The following FOXN3 variants were observed in gnomAD, a reference collection of about 807,000 sequenced individuals.
FOXN3 encodes forkhead box N3, also known as forkhead box protein N3.
A neutral mutation model predicts 38.4 loss-of-function variants in FOXN3; 7 were observed. The ratio of observed to expected loss-of-function variants is 0.18; its 90% CI spans 0.10 to 0.34. The LOEUF is 0.34. Ranked by LOEUF, FOXN3 falls within the 10% of genes least tolerant of loss-of-function variation. FOXN3 has a pLI of 1.00. For synonymous variants in FOXN3, 230 were observed against 242.2 expected, an observed-to-expected ratio of 0.95 and a Z score of 0.47; for missense variants, 456 against 613.4, an observed-to-expected ratio of 0.74 and a Z score of 2.71.
chr14:89,614,048 G>C (rs922131049), intron 1 of FOXN3, among the ~76,000 whole-genome samples: 1 of 152,192 alleles, frequency 6.6e-6, no homozygotes, highest in African/African-American at 2.4e-5. Flanking sequence ...TGCCATTTCA[G>C]AACAATCTCA....
At chr14:89,578,445 C>G (rs1001517793) in intron 1 of FOXN3, among the ~76,000 whole-genome samples, 1 of 152,116 alleles carries the variant, frequency 6.6e-6, no homozygotes, top group African/African-American at 2.4e-5. Context: ...ATGCTAATAA[C>G]TCAAATTCCA....
intron 4 of FOXN3, among the ~76,000 whole-genome samples, chr14:89,268,091 C>T (rs1191863950): frequency 6.6e-6 from 1 of 152,174 alleles, no homozygotes; most frequent in Non-Finnish European, 1.5e-5. Flanking sequence ...TACAGCTACA[C>T]ATTAATTTAC....
intron 2 of FOXN3, chr14:89,351,040 C>A (rs1032641376): frequency 5.3e-5 from 17 of 323,158 alleles, no homozygotes; most frequent in Admixed American, 2.9e-4. Flanking sequence ...TATGGTGATA[C>A]AACAATATTA....
chr14:89,288,517 T>G (rs759805881), intron 3 of FOXN3, among the ~76,000 whole-genome samples: 2 of 133,806 alleles, frequency 1.5e-5, no homozygotes, highest in Non-Finnish European at 3.2e-5. Context: ...AGTTTACAGT[T>G]GAAAAATGAT....
At position 89,202,615 on chromosome 14, in the gene FOXN3, C is replaced by G. The variant is rs889638708; in HGVS notation, c.746-21809G>C. ...CGGGGAGGATCCCTCGTGAATGGCT[C>G]AGAGCTGTCCTTGTGGTCATGAGTG... On this transcript the variant is annotated intron_variant, in intron 4 of 5. Transcript: ENST00000557258. 1.4e-4 allele frequency among the ~76,000 whole-genome samples: 21 copies of G among 152,162 alleles called. 1 individual carries two copies.
At chr14:89,574,301 A>G (rs1225196600) in intron 1 of FOXN3, among the ~76,000 whole-genome samples, 1 of 152,372 alleles carries the variant, frequency 6.6e-6, no homozygotes, top group South Asian at 2.1e-4. Context: ...AGAGAATGGT[A>G]GTTCATTTAA....
chr14:89,511,178 TTTC>T lies in FOXN3; in HGVS notation c.-14-98691_-14-98689del, dbSNP rs796842870. On this transcript the variant is annotated intron_variant, in intron 1 of 6. Transcript: ENST00000345097. Reference sequence around the variant, plus strand: ...CTTTCTTTCTTTCTTTCTTTCTTTCTTTCTTTCTTTCTTTTCTTTCTTTCTTTT... The same window carrying T: ...CTTTCTTTCTTTCTTTCTTTCTTTCTTTTCTTTCTTTTCTTTCTTTCTTTT... Among the ~76,000 whole-genome samples, 3 of 41,196 alleles carry T rather than the reference TTTC, an allele frequency of 7.3e-5. 1 individual carries two copies. Among genetic ancestry groups the T allele is most frequent in the African/African-American group, 2.0e-4 (3 of 15,286 alleles). 27.0% of individuals were successfully genotyped at this position (41,196 alleles called of 152,430 possible). A position where few individuals can be genotyped will look rare whatever the true frequency, so the allele number is the denominator to read the frequency against.
chr14:89,511,141 T>TTTTCTTTTCTTTTCTTTC (rs1894051126), intron 1 of FOXN3, among the ~76,000 whole-genome samples: 3 of 20,996 alleles, frequency 1.4e-4, no homozygotes, highest in Non-Finnish European at 5.5e-4. Context: ...TCTTTCTTTC[T>TTTTCTTTTCTTTTCTTTC]TTTCTTTCTT....
chr14:89,586,908 G>T (rs1207060456), intron 1 of FOXN3, among the ~76,000 whole-genome samples: 1 of 152,224 alleles, frequency 6.6e-6, no homozygotes, highest in African/African-American at 2.4e-5. Context: ...CAAATCAACT[G>T]TTGTCCTTGA....
At chr14:89,339,418 C>A (rs1888551847) in intron 3 of FOXN3, among the ~76,000 whole-genome samples, 2 of 152,206 alleles carry the variant, frequency 1.3e-5, no homozygotes, top group East Asian at 3.9e-4. Context: ...TAACTAAGAT[C>A]TGCTCTGAGC....
At chr14:89,253,038 C>T (rs943596993) in intron 4 of FOXN3, among the ~76,000 whole-genome samples, 4 of 152,146 alleles carry the variant, frequency 2.6e-5, no homozygotes, top group African/African-American at 9.7e-5. Flanking sequence ...TGTTTTGCCT[C>T]GGTGCTGATC....
At chr14:89,302,526 C>T (rs963678996) in intron 3 of FOXN3, among the ~76,000 whole-genome samples, 1 of 152,114 alleles carries the variant, frequency 6.6e-6, no homozygotes, top group Non-Finnish European at 1.5e-5. Context: ...CCCGAAAAAC[C>T]TTAGCCTCCT....
At chr14:89,524,389 AAAAAAAAAAAAAAAGAAAG>A (rs1297487893) in intron 1 of FOXN3, among the ~76,000 whole-genome samples, 2 of 98,320 alleles carry the variant, frequency 2.0e-5, no homozygotes, top group Non-Finnish European at 1.9e-5. Context: ...AAAAAAAAAA[AAAAAAAAAAAAAAAGAAAG>A]AAAGAAACTA....
At chr14:89,315,700 G>A (rs956398746) in intron 3 of FOXN3, among the ~76,000 whole-genome samples, 5 of 152,192 alleles carry the variant, frequency 3.3e-5, no homozygotes, top group South Asian at 2.1e-4. Context: ...AAAGATCTGC[G>A]TGGGCTATAT....
chr14:89,507,986 T>C (rs1009294407), intron 1 of FOXN3, among the ~76,000 whole-genome samples: 20 of 152,098 alleles, frequency 1.3e-4, no homozygotes, highest in Admixed American at 1.1e-3. Flanking sequence ...GAGTTAACAA[T>C]AGTTAAGCCA....
intron 1 of FOXN3, among the ~76,000 whole-genome samples, chr14:89,504,104 A>C (rs1383838052): frequency 6.6e-6 from 1 of 152,186 alleles, no homozygotes; most frequent in Non-Finnish European, 1.5e-5. Flanking sequence ...GATGGTACCC[A>C]GCTAGCTTTG....
intron 1 of FOXN3, among the ~76,000 whole-genome samples, chr14:89,456,850 T>G (rs1380807855): frequency 6.6e-6 from 1 of 152,240 alleles, no homozygotes; most frequent in Non-Finnish European, 1.5e-5. Context: ...ATAGGCTGTG[T>G]GGCCCTGGGC....
intron 1 of FOXN3, among the ~76,000 whole-genome samples, chr14:89,487,739 A>C (rs148895250): frequency 2.1e-3 from 326 of 152,350 alleles, no homozygotes; most frequent in Middle Eastern, 6.8e-3. Flanking sequence ...TATGGACAAT[A>C]AGACACATAC....
chr14:89,192,380 TAA>T (rs57386364), intron 4 of FOXN3, among the ~76,000 whole-genome samples: 2,141 of 145,044 alleles, frequency 0.015, 16 homozygotes, highest in Middle Eastern at 0.023. Flanking sequence ...CTATTTTATA[TAA>T]GTTAATATAC....
Sources: allele counts gnomAD v4.1 joint callset (sites outside exome capture counted in the v4.1 genomes callset), GRCh38; gene constraint gnomAD v4.1.1; transcripts MANE v1.5; gene names NCBI Gene and HGNC (gene_info 2026-07-23, HGNC 2026-07-21).